The following DMD variants were observed in gnomAD, a reference collection of about 807,000 sequenced individuals.
DMD encodes mutant dystrophin.
DMD carries 63 observed loss-of-function variants against 330.1 expected under a neutral mutation model. The observed-to-expected ratio is 0.19, with a 90% confidence interval of 0.16 to 0.24. The LOEUF is 0.24. Ranked by LOEUF, DMD falls within the 10% of genes least tolerant of loss-of-function variation. The probability of loss-of-function intolerance (pLI) is 1.00; values close to 1 mark genes in which losing one functional copy is unlikely to be tolerated. For missense variants in DMD, 3,344 were observed against 2,684.1 expected, an observed-to-expected ratio of 1.25 and a Z score of -5.43; for synonymous variants, 1,223 against 959.8, an observed-to-expected ratio of 1.27 and a Z score of -5.07.
At position 31,875,334 on chromosome X, in the gene DMD, C is replaced by T. The variant is rs2093952333; in HGVS notation, c.6952G>A (p.Ala2318Thr). ...ALPEKQGEIEAQIKDLGQLEK... is the reference protein window; with the variant it reads ...ALPEKQGEIETQIKDLGQLEK... ...AGCTGCCCAAGGTCTTTTATTTGAG[C>T]TTCAATTTCTCCTTGTTTCTCAGGT... The change falls in exon 48 of 79, where the codon GCT becomes ACT. Residue 2318 changes from alanine to threonine, a missense_variant. Coordinates refer to ENST00000357033, the MANE Select transcript of DMD (RefSeq NM_004006.3). 2 of 1,201,642 alleles carry T rather than the reference C, an allele frequency of 1.7e-6. No individual in the cohort carries two copies. The highest frequency in any genetic ancestry group is 3.5e-5 in the African/African-American group (2 of 56,553).
At chrX:31,916,144 T>C (rs765638415) in intron 47 of DMD, among the ~76,000 whole-genome samples, 4 of 111,690 alleles carry the variant, frequency 3.6e-5, no homozygotes, top group Non-Finnish European at 7.5e-5. Flanking sequence ...CAGAGGTGAA[T>C]CATCCTAGCT....
In DMD at chrX:32,626,926, A is replaced by G. The variant is rs1439390044; in HGVS notation, c.1332-12473T>C. Among the ~76,000 whole-genome samples the G allele has an allele frequency of 2.8e-5, 3 of 105,867 alleles. 1 individual carries two copies. Among genetic ancestry groups the G allele is most frequent in the African/African-American group, 1.2e-4 (3 of 24,983 alleles). The allele number at this position is 105,867 out of a possible 115,157, so 91.9% of individuals were successfully genotyped here. ...GGCTTTTATTCAAACTATCACAGAT[A>G]GGTGAATTAGTGGAATTTATATAAA... is the stretch of plus-strand genomic sequence containing the variant. On this transcript the variant is annotated intron_variant, in intron 11 of 78. Coordinates refer to ENST00000357033, the MANE Select transcript of DMD (RefSeq NM_004006.3).
chrX:31,771,658 C>T, intron 51 of DMD, among the ~76,000 whole-genome samples: 1 of 110,517 alleles, frequency 9.0e-6, no homozygotes. Context: ...TGGGCCACCA[C>T]ACCAGCTAAT....
At chrX:33,263,443 A>G (rs967597045) in intron 1 of DMD, among the ~76,000 whole-genome samples, 3 of 107,893 alleles carry the variant, frequency 2.8e-5, no homozygotes, top group Non-Finnish European at 3.9e-5. Flanking sequence ...TAAAAAATAT[A>G]TATATATATA....
chrX:32,815,279 T>G (rs747239941), intron 6 of DMD, among the ~76,000 whole-genome samples: 70 of 105,010 alleles, frequency 6.7e-4, no homozygotes, highest in African/African-American at 2.1e-3. Flanking sequence ...AGAAGCAGGA[T>G]TGGCATAGGA....
At chrX:31,705,120 G>A (rs2084085228) in intron 52 of DMD, among the ~76,000 whole-genome samples, 1 of 112,293 alleles carries the variant, frequency 8.9e-6, no homozygotes, top group South Asian at 3.7e-4. Flanking sequence ...AAGTGACACC[G>A]TCTAATCTGG....
At chrX:32,717,892 T>G (rs1170260551) in intron 7 of DMD, among the ~76,000 whole-genome samples, 1 of 111,682 alleles carries the variant, frequency 9.0e-6, no homozygotes, top group Non-Finnish European at 1.9e-5. Flanking sequence ...ACTACCCTGC[T>G]GGGTTTTGGA....
At chrX:32,377,393 C>T (rs904185345) in intron 34 of DMD, among the ~76,000 whole-genome samples, 13 of 111,763 alleles carry the variant, frequency 1.2e-4, no homozygotes, top group African/African-American at 6.5e-5. Context: ...GAGAAGTCAA[C>T]ATATTTTGAG....
At chrX:33,315,194 C>G (rs1569559857) in intron 1 of DMD, among the ~76,000 whole-genome samples, 1 of 112,167 alleles carries the variant, frequency 8.9e-6, no homozygotes. Context: ...ATCTTACCAT[C>G]TCAAAGTCCC....
chrX:31,580,989 C>T (rs1306861772), intron 55 of DMD, among the ~76,000 whole-genome samples: 1 of 112,192 alleles, frequency 8.9e-6, no homozygotes, highest in Non-Finnish European at 1.9e-5. Flanking sequence ...AAGTCATTCA[C>T]AATGGAATGC....
At chrX:33,158,358 A>G (rs2048606203) in intron 1 of DMD, among the ~76,000 whole-genome samples, 1 of 111,433 alleles carries the variant, frequency 9.0e-6, no homozygotes, top group Non-Finnish European at 1.9e-5. Context: ...GGCCAGCTTC[A>G]TCAGAAACCT....
intron 52 of DMD, among the ~76,000 whole-genome samples, chrX:31,680,691 A>T (rs753708107): frequency 9.0e-6 from 1 of 110,975 alleles, no homozygotes; most frequent in African/African-American, 3.3e-5. Flanking sequence ...TTCTTTTAAC[A>T]ATACCTAAGA....
chrX:32,582,134 C>A (rs2053715680), intron 13 of DMD, among the ~76,000 whole-genome samples: 1 of 111,308 alleles, frequency 9.0e-6, no homozygotes, highest in African/African-American at 3.3e-5. Flanking sequence ...ATCCACAATA[C>A]TCCCATTGTA....
intron 60 of DMD, among the ~76,000 whole-genome samples, chrX:31,371,304 G>A (rs2059557848): frequency 9.9e-6 from 1 of 100,699 alleles, no homozygotes; most frequent in South Asian, 3.9e-4. Context: ...TAGTTATATT[G>A]AATATTAATT....
intron 1 of DMD, among the ~76,000 whole-genome samples, chrX:33,309,068 G>A (rs1030663994): frequency 9.0e-6 from 1 of 111,176 alleles, no homozygotes; most frequent in African/African-American, 3.3e-5. Context: ...TGTTCATATG[G>A]GAACACTAAA....
chrX:32,386,169 T>C (rs1356453948), intron 33 of DMD, 141 bp downstream of exon 33: 5 of 584,180 alleles, frequency 8.6e-6, no homozygotes, highest in Non-Finnish European at 1.5e-5. Flanking sequence ...TATGTGTGTA[T>C]ATATATACGT....
At chrX:31,390,856 G>A (rs937530341) in intron 60 of DMD, among the ~76,000 whole-genome samples, 11 of 111,424 alleles carry the variant, frequency 9.9e-5, no homozygotes, top group Non-Finnish European at 1.5e-4. Flanking sequence ...TCACAGGTAC[G>A]TCAGATTATA....
rs376180944 is a variant in DMD, at chrX:32,329,721, A to G, written c.5922+12379T>C. On this transcript the variant is annotated intron_variant, in intron 41 of 78. Transcript: ENST00000357033. ...ACTGTATTTGTTAGGTAATTCATTT[A>G]TTTTTCATCACCCAGATAGTCTATT... Among the ~76,000 whole-genome samples the G allele has an allele frequency of 2.7e-5, 3 of 112,375 alleles. No individual in the cohort carries two copies. The East Asian group carries it at 8.4e-4, about 32-fold the overall frequency.
At chrX:33,009,975 TATACAC>T (rs1255161811) in intron 2 of DMD, among the ~76,000 whole-genome samples, 2 of 54,215 alleles carry the variant, frequency 3.7e-5, no homozygotes, top group African/African-American at 1.8e-4. Context: ...CATATGTGTG[TATACAC>T]ATGTGTGTAT....
Sources: allele counts gnomAD v4.1 joint callset (sites outside exome capture counted in the v4.1 genomes callset), GRCh38; gene constraint gnomAD v4.1.1; transcripts MANE v1.5; gene names NCBI Gene and HGNC (gene_info 2026-07-23, HGNC 2026-07-21).